Variants in FAM135B observed in about 807,000 individuals in gnomAD.
The protein encoded by FAM135B is protein FAM135B.
FAM135B carries 43 observed loss-of-function variants against 127.7 expected under a neutral mutation model. That is an observed-to-expected ratio of 0.34 (90% CI 0.26 to 0.43). The LOEUF (loss-of-function observed/expected upper bound fraction) is 0.43. Among genes scored for constraint, FAM135B ranks in the 20% least tolerant of loss-of-function variants. The pLI is 1.00. For missense variants in FAM135B, 1,558 were observed against 1,725.6 expected (o/e 0.90, Z 1.72); for synonymous variants, 670 against 665.1 (o/e 1.01, Z -0.11).
rs191495545 is a variant in FAM135B, at chr8:138,410,895, T to C, written c.-19-42893A>G. Among the ~76,000 whole-genome samples the C allele has an allele frequency of 1.1e-4, 16 of 151,938 alleles. No homozygotes were observed. In the East Asian group the frequency reaches 2.5e-3, roughly 24 times the overall value. ...GAGTGAACTCCCATTCACAATTGCT[T>C]CAAAGAGAATAAAATACCTAGGAAT... On this transcript the variant is annotated intron_variant, in intron 1 of 19. Coordinates refer to ENST00000395297, the MANE Select transcript of FAM135B (RefSeq NM_015912.4).
chr8:138,267,187 G>C (rs916628196), intron 3 of FAM135B, among the ~76,000 whole-genome samples: 2 of 152,098 alleles, frequency 1.3e-5, no homozygotes, highest in South Asian at 4.1e-4. Context: ...CTTATAAAAA[G>C]AGGCCAGAGG....
intron 2 of FAM135B, among the ~76,000 whole-genome samples, chr8:138,320,784 T>C (rs555216620): frequency 1.1e-3 from 168 of 152,294 alleles, no homozygotes; most frequent in Non-Finnish European, 1.5e-3. Context: ...AAGGAATGAA[T>C]AAGTGAAAAT....
At chr8:138,452,124 CTT>C (rs1158033996) in intron 1 of FAM135B, among the ~76,000 whole-genome samples, 11 of 104,166 alleles carry the variant, frequency 1.1e-4, no homozygotes, top group Non-Finnish European at 1.5e-4. Flanking sequence ...ACCCAATCTG[CTT>C]TTTTTTTTTT....
At chr8:138,451,692 C>T (rs1466916215) in intron 1 of FAM135B, among the ~76,000 whole-genome samples, 1 of 152,192 alleles carries the variant, frequency 6.6e-6, no homozygotes, top group Non-Finnish European at 1.5e-5. Context: ...CTTTAAATGA[C>T]TCCTCTTTTG....
chr8:138,421,299 C>A (rs991900332), intron 1 of FAM135B, among the ~76,000 whole-genome samples: 3 of 151,948 alleles, frequency 2.0e-5, no homozygotes, highest in African/African-American at 4.8e-5. Context: ...GGCAACAGAG[C>A]GAGACTCTGT....
intron 7 of FAM135B, among the ~76,000 whole-genome samples, chr8:138,206,035 A>T (rs1817526091): frequency 6.8e-6 from 1 of 146,402 alleles, no homozygotes; most frequent in Non-Finnish European, 1.5e-5. Flanking sequence ...CCCTTCACAT[A>T]CACACAGCTC....
intron 15 of FAM135B, 87 bp from the exon 16 acceptor site, chr8:138,143,196 T>C (rs1480316620): frequency 1.4e-6 from 1 of 735,916 alleles, no homozygotes; most frequent in African/African-American, 1.7e-5. Context: ...CACTAAACAC[T>C]GTGGCGCCTA....
At chr8:138,168,188 C>T (rs1472647239) in intron 11 of FAM135B, 139 bp from the exon 12 acceptor site, 1 of 986,228 alleles carries the variant, frequency 1.0e-6, no homozygotes. Flanking sequence ...TTTTCTTCCA[C>T]CCACCTACTT....
At chr8:138,493,968 A>G (rs1654289217) in intron 1 of FAM135B, among the ~76,000 whole-genome samples, 1 of 78,428 alleles carries the variant, frequency 1.3e-5, no homozygotes, top group Middle Eastern at 5.2e-3. Flanking sequence ...GCTGAAATCA[A>G]GGAAAGAAAT....
intron 2 of FAM135B, among the ~76,000 whole-genome samples, chr8:138,358,918 C>T (rs1032289148): frequency 5.9e-5 from 9 of 152,014 alleles, no homozygotes; most frequent in Non-Finnish European, 1.5e-5. Context: ...TGTCCGGTCC[C>T]CTAGAAAGAG....
chr8:138,345,509 C>CA (rs1183908396), intron 2 of FAM135B, among the ~76,000 whole-genome samples: 1 of 152,160 alleles, frequency 6.6e-6, no homozygotes, highest in African/African-American at 2.4e-5. Flanking sequence ...AGACTGACTG[C>CA]AAGTCAGCCA....
chr8:138,349,164 G>A (rs1358568626), intron 2 of FAM135B, among the ~76,000 whole-genome samples: 1 of 152,244 alleles, frequency 6.6e-6, no homozygotes, highest in Non-Finnish European at 1.5e-5. Context: ...AATGCCCCTT[G>A]TGAAGTAGCA....
intron 4 of FAM135B, among the ~76,000 whole-genome samples, chr8:138,260,056 C>T (rs6989948): frequency 0.24 from 36,431 of 152,062 alleles, 5,286 homozygotes; most frequent in Non-Finnish European, 0.32. Context: ...ATCTTACTAA[C>T]CTGTTTACTT....
At chr8:138,292,361 T>A (rs975108124) in intron 3 of FAM135B, among the ~76,000 whole-genome samples, 3 of 152,070 alleles carry the variant, frequency 2.0e-5, no homozygotes, top group African/African-American at 7.2e-5. Flanking sequence ...ACCTATAGAT[T>A]TGATGTAAGC....
At chr8:138,187,218 CAT>C (rs1815664744) in intron 9 of FAM135B, among the ~76,000 whole-genome samples, 1 of 152,196 alleles carries the variant, frequency 6.6e-6, no homozygotes, top group African/African-American at 2.4e-5. Context: ...ATTTCTTTGA[CAT>C]GTTTTGAAAA....
At chr8:138,212,062 T>C (rs1381461450) in intron 7 of FAM135B, among the ~76,000 whole-genome samples, 4 of 152,066 alleles carry the variant, frequency 2.6e-5, no homozygotes, top group Non-Finnish European at 5.9e-5. Flanking sequence ...AAAGACATTG[T>C]CTCAAATAAA....
At chr8:138,171,540 A>G (rs1357166735) in intron 11 of FAM135B, among the ~76,000 whole-genome samples, 1 of 152,236 alleles carries the variant, frequency 6.6e-6, no homozygotes, top group Non-Finnish European at 1.5e-5. Flanking sequence ...AGTGCCTTAG[A>G]CAATGCCTCC....
At chr8:138,167,119 C>A (rs1258365945) in intron 12 of FAM135B, among the ~76,000 whole-genome samples, 2 of 152,022 alleles carry the variant, frequency 1.3e-5, no homozygotes, top group African/African-American at 4.8e-5. Flanking sequence ...AGAAAAAACA[C>A]CCAAGCAGAC....
At chr8:138,229,090 C>A (rs774224289) in intron 7 of FAM135B, among the ~76,000 whole-genome samples, 3 of 152,042 alleles carry the variant, frequency 2.0e-5, no homozygotes, top group Non-Finnish European at 2.9e-5. Context: ...ACATGGAAAT[C>A]GGCAATGCTG....
Sources: gnomAD v4.1 joint callset for allele counts (sites outside exome capture counted in the v4.1 genomes callset) on GRCh38, gnomAD v4.1.1 for gene constraint, MANE v1.5 for transcripts, NCBI Gene and HGNC (gene_info 2026-07-23, HGNC 2026-07-21) for gene names.